WDFY4: variants seen among roughly 807,000 people sequenced by gnomAD.
The protein encoded by WDFY4 is WDFY family member 4.
A neutral mutation model predicts 351.9 loss-of-function variants in WDFY4; 169 were observed. That is an observed-to-expected ratio of 0.48 (90% CI 0.42 to 0.55). WDFY4 has a LOEUF of 0.55. Among genes scored for constraint, WDFY4 ranks in the 20% least tolerant of loss-of-function variants. WDFY4 has a pLI of 0.00. For missense variants in WDFY4, 3,803 were observed against 3,935.6 expected (o/e 0.97, Z 0.90); for synonymous variants, 1,622 against 1,574.6 (o/e 1.03, Z -0.71).
At chr10:48,687,766 C>T (rs2063091665) in intron 1 of WDFY4, among the ~76,000 whole-genome samples, 1 of 150,100 alleles carries the variant, frequency 6.7e-6, no homozygotes, top group Non-Finnish European at 1.5e-5. Context: ...AGGTACATGC[C>T]ACCACACCTG....
intron 11 of WDFY4, among the ~76,000 whole-genome samples, chr10:48,736,415 T>C (rs2064669815): frequency 6.6e-6 from 1 of 152,254 alleles, no homozygotes; most frequent in Non-Finnish European, 1.5e-5. Context: ...CACGGGTTAT[T>C]TTCTGTCCAA....
intron 47 of WDFY4, among the ~76,000 whole-genome samples, chr10:48,915,837 C>T (rs1406188911): frequency 6.6e-6 from 1 of 152,156 alleles, no homozygotes; most frequent in Non-Finnish European, 1.5e-5. Context: ...TTACACAGGC[C>T]TTGTAAGCTG....
chr10:48,890,725 C>A lies in WDFY4; in HGVS notation c.7314C>A (p.Ser2438=). 6.4e-7 allele frequency: 1 copy of A among 1,551,720 alleles called. No homozygotes were observed. Among genetic ancestry groups the A allele is most frequent in the East Asian group, 2.4e-5 (1 of 40,930 alleles). ...GDVYCTRHCL[S]NISDPFIFNL... is the part of the protein sequence containing the mutation. Reference sequence around the variant, plus strand: ...TCTACTGTACCCGTCACTGCTTATCCAAGTGAGTTATCCACTTCTCCCAGC... The same window carrying A: ...TCTACTGTACCCGTCACTGCTTATCAAAGTGAGTTATCCACTTCTCCCAGC... Residue 2438 remains serine, a splice_region_variant and synonymous_variant, in exon 44 of 62, where the codon TCC becomes TCA. Coordinates refer to ENST00000325239, the MANE Select transcript of WDFY4 (RefSeq NM_001394531.1).
intron 44 of WDFY4, among the ~76,000 whole-genome samples, chr10:48,892,909 C>A (rs967894803): frequency 3.3e-5 from 5 of 152,154 alleles, no homozygotes; most frequent in Admixed American, 1.3e-4. Flanking sequence ...GTAGTAAGTC[C>A]CTTTCTTAGC....
chr10:48,950,830 G>T (rs1418996479), intron 51 of WDFY4, among the ~76,000 whole-genome samples: 1 of 152,248 alleles, frequency 6.6e-6, no homozygotes, highest in African/African-American at 2.4e-5. Context: ...CAGCAGGCAT[G>T]CAGTGTGCTG....
At chr10:48,896,915 G>A (rs35422654) in intron 44 of WDFY4, among the ~76,000 whole-genome samples, 15,022 of 152,168 alleles carry the variant, frequency 0.099, 940 homozygotes, top group Middle Eastern at 0.21. Context: ...AGGGACTAAG[G>A]TGTGTGGCAC....
chr10:48,771,007 C>A (rs2065846913), intron 13 of WDFY4, among the ~76,000 whole-genome samples: 1 of 152,156 alleles, frequency 6.6e-6, no homozygotes, highest in Non-Finnish European at 1.5e-5. Flanking sequence ...CCAGTGCTCA[C>A]CTTTTAAACC....
At chr10:48,694,993 G>T (rs961160408) in intron 1 of WDFY4, among the ~76,000 whole-genome samples, 1 of 152,100 alleles carries the variant, frequency 6.6e-6, no homozygotes, top group African/African-American at 2.4e-5. Context: ...TGAAGTCCAG[G>T]GTGTGGACAG....
intron 35 of WDFY4, among the ~76,000 whole-genome samples, chr10:48,824,641 A>G (rs1015089682): frequency 6.6e-6 from 1 of 151,510 alleles, no homozygotes; most frequent in Non-Finnish European, 1.5e-5. Context: ...GGTCATGTCA[A>G]TTTTTTTTTA....
At chr10:48,913,473 G>A in intron 47 of WDFY4, 1 of 1,590,446 alleles carries the variant, frequency 6.3e-7, no homozygotes, top group Non-Finnish European at 8.6e-7. Flanking sequence ...TGTCGTCGTG[G>A]CCATGTTCTT....
At chr10:48,810,846 G>A in intron 29 of WDFY4, 111 bp downstream of exon 29, 1 of 1,163,692 alleles carries the variant, frequency 8.6e-7, no homozygotes, top group East Asian at 2.7e-5. Flanking sequence ...TGTGCAGCAG[G>A]ATCACCTCGA....
rs188241795 is a variant in WDFY4 at position 48,740,058 on chromosome 10, G to A, written c.1879-2910G>A. Among the ~76,000 whole-genome samples the A allele has an allele frequency of 5.9e-5, 9 of 152,224 alleles. No homozygotes were observed. In the East Asian group the frequency reaches 1.2e-3, roughly 20 times the overall value. On this transcript the variant is annotated intron_variant, in intron 11 of 61. Transcript: ENST00000325239. ...CTCCCTTCCTGATGTTTGTTTTGTC[G>A]TGTGTTATGTGACTAACAGAAGCGC...
In WDFY4 at chr10:48,849,542, C is replaced by T. The variant is rs572640991; in HGVS notation, c.6663+16833C>T. Among the ~76,000 whole-genome samples, 22 of 152,334 alleles carry T rather than the reference C, an allele frequency of 1.4e-4. No individual in the cohort carries two copies. The South Asian group carries it at 4.3e-3, about 30-fold the overall frequency. ...ACAGCCAAGAGAGCCTGTGGAATGG[C>T]GTCTCCCTCAGGGAGCAGAGACTCC... On this transcript the variant is annotated intron_variant, in intron 39 of 61. Coordinates refer to ENST00000325239, the MANE Select transcript of WDFY4 (RefSeq NM_001394531.1).
chr10:48,710,034 A>T (rs966049745), intron 2 of WDFY4, 68 bp downstream of exon 2: 22 of 1,385,852 alleles, frequency 1.6e-5, no homozygotes, highest in Non-Finnish European at 2.1e-5. Context: ...ATGATTGCAT[A>T]GTGAAGTTGA....
At chr10:48,864,781 A>T (rs1469542777) in intron 39 of WDFY4, among the ~76,000 whole-genome samples, 1 of 152,180 alleles carries the variant, frequency 6.6e-6, no homozygotes, top group African/African-American at 2.4e-5. Context: ...CAAGTTTTTC[A>T]TCTTGGTTAA....
intron 43 of WDFY4, among the ~76,000 whole-genome samples, chr10:48,879,468 A>G (rs17011346): frequency 0.065 from 9,921 of 152,240 alleles, 1,120 homozygotes; most frequent in African/African-American, 0.23. Flanking sequence ...TCATTGCTTT[A>G]ATAGGAGAAC....
At chr10:48,787,957 C>A (rs1202667882) in intron 20 of WDFY4, among the ~76,000 whole-genome samples, 1 of 123,746 alleles carries the variant, frequency 8.1e-6, no homozygotes, top group African/African-American at 3.4e-5. Context: ...TCTTCTTCTT[C>A]TTCTTCTTCT....
At position 48,822,871 on chromosome 10, in the gene WDFY4, C is replaced by T. The variant is rs545654579; in HGVS notation, c.5982+334C>T. 1.0e-3 allele frequency among the ~76,000 whole-genome samples: 154 copies of T among 152,272 alleles called. 1 individual carries two copies. In the South Asian group the frequency reaches 0.03, roughly 30 times the overall value. Reference sequence around the variant, plus strand: ...TTTGACCTTAATTGTTATTATACCTCCTCAGCTAAGAAAGGACCACAAAGG... The same window carrying T: ...TTTGACCTTAATTGTTATTATACCTTCTCAGCTAAGAAAGGACCACAAAGG... On this transcript the variant is annotated intron_variant, in intron 35 of 61. Coordinates refer to ENST00000325239, the MANE Select transcript of WDFY4 (RefSeq NM_001394531.1).
Position 48,860,895 on chromosome 10 carries a change from TTTTG to T in WDFY4, c.6664-6366_6664-6363del, listed in dbSNP as rs2069316433. Among the ~76,000 whole-genome samples, 4 of 152,202 alleles carry T rather than the reference TTTTG, an allele frequency of 2.6e-5. No individual in the cohort carries two copies. The South Asian group carries it at 8.3e-4, about 31-fold the overall frequency. The stretch of plus-strand genomic sequence containing the variant: ...TGTATCGAGGACACATTCTGCATGT[TTTTG>T]TTTATTTTAATTTTTTGGATTTTTT... On this transcript the variant is annotated intron_variant, in intron 39 of 61. Transcript: ENST00000325239.
Sources: allele counts gnomAD v4.1 joint callset (sites outside exome capture counted in the v4.1 genomes callset), GRCh38; gene constraint gnomAD v4.1.1; transcripts MANE v1.5; gene names NCBI Gene and HGNC (gene_info 2026-07-23, HGNC 2026-07-21).